Variants in ASB4 observed in about 807,000 individuals in gnomAD.
ASB4 encodes the protein ankyrin repeat and SOCS box protein 4.
In ASB4, 35 loss-of-function variants were observed where a neutral mutation model predicts 38.6. The ratio of observed to expected loss-of-function variants is 0.91; its 90% CI spans 0.69 to 1.20. ASB4 has a LOEUF of 1.20. ASB4 is among the 50% of genes most tolerant of loss of function. The pLI is 0.00. For missense variants in ASB4, 557 were observed against 527.2 expected (o/e 1.06, Z -0.55); for synonymous variants, 195 against 201.3 (o/e 0.97, Z 0.26).
exon 1 of ASB4, chr7:95,478,598 A>C (rs1290354538): frequency 6.6e-6 from 1 of 152,170 alleles, no homozygotes; most frequent in Admixed American, 6.5e-5. Context: ...GGAAACACTC[A>C]GGGTAATTAG....
At chr7:95,476,261 A>T (rs1340023918), upstream of ASB4, among the ~76,000 whole-genome samples, 2 of 152,234 alleles carry the variant, frequency 1.3e-5, no homozygotes, top group Non-Finnish European at 2.9e-5. Flanking sequence ...TGTGGTATGC[A>T]GCGGCAAGGC....
upstream of ASB4, among the ~76,000 whole-genome samples, chr7:95,481,096 T>A (rs1790018203): frequency 6.6e-6 from 1 of 152,210 alleles, no homozygotes. Flanking sequence ...TCTTTGATTC[T>A]TAGTTTACCT....
Position 95,539,750 on chromosome 7 carries a change from G to C in ASB4, c.*1991G>C, listed in dbSNP as rs549705733. ...ACTTGCAAGGGGAAGCTTGAGAGTG[G>C]GGTGAGGGATAAAAGACTACATATT... On this transcript the variant is annotated 3_prime_UTR_variant, in exon 5 of 5. Coordinates refer to ENST00000325885, the MANE Select transcript of ASB4 (RefSeq NM_016116.3). 1 of 152,390 alleles carries C rather than the reference G, an allele frequency of 6.6e-6. No individual in the cohort carries two copies. Among genetic ancestry groups the C allele is most frequent in the African/African-American group, 2.4e-5 (1 of 41,556 alleles). The allele number at this position is 152,390 out of a possible 1,614,324, so 9.4% of individuals were successfully genotyped here.
chr7:95,471,577 CTG>C, the ASB4 span, among the ~76,000 whole-genome samples: 1 of 152,152 alleles, frequency 6.6e-6, no homozygotes, highest in Non-Finnish European at 1.5e-5. Flanking sequence ...CAGTGTACTT[CTG>C]TGACAGTATG....
chr7:95,515,012 A>T (rs1271384655), intron 2 of ASB4, among the ~76,000 whole-genome samples: 1 of 152,210 alleles, frequency 6.6e-6, no homozygotes, highest in African/African-American at 2.4e-5. Flanking sequence ...CGTAGACAGT[A>T]TGACACCTAG....
At chr7:95,545,915 T>C in the ASB4 span, among the ~76,000 whole-genome samples, 24 of 152,312 alleles carry the variant, frequency 1.6e-4, no homozygotes, top group Non-Finnish European at 3.1e-4. Flanking sequence ...TTGCACATAG[T>C]CAGACATCTC....
intron 1 of ASB4, among the ~76,000 whole-genome samples, chr7:95,489,862 T>G (rs960263713): frequency 6.6e-6 from 1 of 152,152 alleles, no homozygotes; most frequent in Non-Finnish European, 1.5e-5. Context: ...AAATGTCCCT[T>G]CTATTGGTTT....
At chr7:95,485,693 T>A (rs190168232), upstream of ASB4, among the ~76,000 whole-genome samples, 3 of 152,296 alleles carry the variant, frequency 2.0e-5, no homozygotes, top group East Asian at 3.9e-4. Context: ...ATTGTGACAT[T>A]TCATGCCTGG....
downstream of ASB4, among the ~76,000 whole-genome samples, chr7:95,541,993 C>T (rs917736425): frequency 1.3e-5 from 2 of 151,868 alleles, no homozygotes; most frequent in African/African-American, 2.4e-5. Context: ...CTTGAGCCCA[C>T]GAGTTCAAGT....
intron 2 of ASB4, among the ~76,000 whole-genome samples, chr7:95,504,475 G>A (rs910664433): frequency 3.9e-5 from 6 of 152,058 alleles, no homozygotes; most frequent in South Asian, 2.1e-4. Context: ...ACCTCACCGC[G>A]TTCCATCTTT....
the ASB4 span, among the ~76,000 whole-genome samples, chr7:95,545,793 CA>C: frequency 1.8e-4 from 28 of 152,242 alleles, no homozygotes; most frequent in African/African-American, 6.7e-4. Flanking sequence ...TAAAAACTAC[CA>C]AAGAGACAGG....
chr7:95,496,388 G>A lies in ASB4; in HGVS notation c.487+331G>A, dbSNP rs145488831. Among the ~76,000 whole-genome samples the A allele has an allele frequency of 5.6e-3, 850 of 152,184 alleles. 10 individuals are homozygous for A. The highest frequency in any genetic ancestry group is 0.019 in the African/African-American group (788 of 41,522). ...TCAAAGAAAGTATATTCTAATAAGGGAGACAAATATTAACAAAATAAATTC... is the reference window on the plus strand; with the variant it reads ...TCAAAGAAAGTATATTCTAATAAGGAAGACAAATATTAACAAAATAAATTC... On this transcript the variant is annotated intron_variant, in intron 2 of 4. Transcript: ENST00000325885.
chr7:95,489,041 G>C (rs986583995), intron 1 of ASB4, among the ~76,000 whole-genome samples: 3 of 152,094 alleles, frequency 2.0e-5, no homozygotes, highest in African/African-American at 7.2e-5. Flanking sequence ...AGAACATACA[G>C]CATTTTTATA....
chr7:95,489,746 A>C (rs1180912639), intron 1 of ASB4, among the ~76,000 whole-genome samples: 2 of 152,220 alleles, frequency 1.3e-5, no homozygotes, highest in African/African-American at 2.4e-5. Context: ...CAAATGCAAT[A>C]AGTCATTGAA....
At chr7:95,504,021 A>T (rs1790375035) in intron 2 of ASB4, among the ~76,000 whole-genome samples, 1 of 152,088 alleles carries the variant, frequency 6.6e-6, no homozygotes, top group Non-Finnish European at 1.5e-5. Flanking sequence ...AATAATGTTC[A>T]TCAGTTGAGA....
intron 3 of ASB4, among the ~76,000 whole-genome samples, chr7:95,530,128 C>G (rs1378958224): frequency 9.5e-6 from 1 of 105,744 alleles, no homozygotes; most frequent in Non-Finnish European, 2.0e-5. Context: ...AAAGAGAATG[C>G]CAGATTATGT....
chr7:95,521,686 T>TAA (rs35236189), intron 2 of ASB4, among the ~76,000 whole-genome samples: 29 of 147,742 alleles, frequency 2.0e-4, no homozygotes, highest in South Asian at 4.3e-4. Flanking sequence ...CAGTTGAAAT[T>TAA]AAAAAAAAAA....
At chr7:95,480,690 C>A (rs1214390805) in intron 1 of ASB4, among the ~76,000 whole-genome samples, 1 of 152,180 alleles carries the variant, frequency 6.6e-6, no homozygotes, top group Non-Finnish European at 1.5e-5. Context: ...TAACCCCCGA[C>A]CTTTGTGTCT....
intron 1 of ASB4, among the ~76,000 whole-genome samples, chr7:95,491,384 C>G (rs1376173516): frequency 2.0e-5 from 3 of 152,212 alleles, no homozygotes; most frequent in Admixed American, 6.5e-5. Flanking sequence ...TGCTTCACCT[C>G]CCACCCCTAG....
Sources: allele counts gnomAD v4.1 joint callset (sites outside exome capture counted in the v4.1 genomes callset), GRCh38; gene constraint gnomAD v4.1.1; transcripts MANE v1.5; gene names NCBI Gene and HGNC (gene_info 2026-07-23, HGNC 2026-07-21).